The following BACH2 variants were observed in gnomAD, a reference collection of about 807,000 sequenced individuals.
BACH2 encodes the protein BACH transcriptional regulator 2.
BACH2 carries 5 observed loss-of-function variants against 61.8 expected under a neutral mutation model. That is an observed-to-expected ratio of 0.08 (90% confidence interval 0.04 to 0.17). The LOEUF is 0.17. BACH2 is among the 10% of genes least tolerant of loss of function. The pLI, the probability that BACH2 is intolerant of heterozygous loss-of-function variation, is 1.00. For synonymous variants in BACH2, 446 were observed against 440.1 expected, an observed-to-expected ratio of 1.01 and a Z score of -0.17; for missense variants, 824 against 1,091.1, an observed-to-expected ratio of 0.76 and a Z score of 3.45.
intron 2 of BACH2, among the ~76,000 whole-genome samples, chr6:90,264,833 G>A (rs551349424): frequency 2.6e-5 from 4 of 152,256 alleles, no homozygotes; most frequent in Admixed American, 2.6e-4. Flanking sequence ...GGGAAGTCTG[G>A]GAGACCCGTG....
chr6:90,133,822 G>A (rs923824297), intron 4 of BACH2, among the ~76,000 whole-genome samples: 12 of 152,138 alleles, frequency 7.9e-5, no homozygotes, highest in Non-Finnish European at 1.8e-4. Flanking sequence ...ATAGTTTGCT[G>A]AGAATGATGG....
intron 7 of BACH2, among the ~76,000 whole-genome samples, chr6:89,949,768 G>A (rs115995730): frequency 1.1e-3 from 164 of 152,272 alleles, no homozygotes; most frequent in African/African-American, 3.8e-3. Context: ...GACATGGGAT[G>A]GCCCTGGGGT....
chr6:90,031,449 A>AAAACCCC (rs1397715126), intron 5 of BACH2, among the ~76,000 whole-genome samples: 2 of 152,210 alleles, frequency 1.3e-5, no homozygotes, highest in Admixed American at 1.3e-4. Flanking sequence ...GTATATCTAG[A>AAAACCCC]AAACCCCATC....
At chr6:90,223,972 G>A (rs966356628) in intron 3 of BACH2, among the ~76,000 whole-genome samples, 4 of 152,146 alleles carry the variant, frequency 2.6e-5, no homozygotes, top group Non-Finnish European at 4.4e-5. Context: ...ACTGAGAAAC[G>A]AAGCTGACAT....
chr6:90,032,778 T>C (rs533670511), intron 5 of BACH2, among the ~76,000 whole-genome samples: 20 of 152,250 alleles, frequency 1.3e-4, no homozygotes, highest in African/African-American at 4.8e-4. Flanking sequence ...ACTAGTTCAA[T>C]CATTGTGGAA....
chr6:89,932,256 G>T lies in BACH2; in HGVS notation c.*152C>A. 9.9e-7 allele frequency: 1 copy of T among 1,008,058 alleles called. No individual in the cohort carries two copies. Among genetic ancestry groups the T allele is most frequent in the Non-Finnish European group, 1.5e-6 (1 of 684,906 alleles). The allele number at this position is 1,008,058 out of a possible 1,614,324, so 62.4% of individuals were successfully genotyped here. ...TCACTCCTGCTCGAGAAGAGGAGAG[G>T]ATACTTCGGAACAGTATTGCTGCTA... On this transcript the variant is annotated 3_prime_UTR_variant, in exon 9 of 9. Transcript: ENST00000257749.
intron 4 of BACH2, among the ~76,000 whole-genome samples, chr6:90,165,144 T>C (rs1323976170): frequency 1.3e-5 from 2 of 152,236 alleles, no homozygotes; most frequent in Non-Finnish European, 2.9e-5. Context: ...GCAGATGACA[T>C]GATTGTATAT....
chr6:90,023,638 G>A (rs1228645780), intron 5 of BACH2, among the ~76,000 whole-genome samples: 1 of 152,022 alleles, frequency 6.6e-6, no homozygotes, highest in Non-Finnish European at 1.5e-5. Context: ...AAATTCGTAT[G>A]TGGAAATCCT....
intron 6 of BACH2, among the ~76,000 whole-genome samples, chr6:90,005,601 T>C (rs1777364525): frequency 6.6e-6 from 1 of 152,106 alleles, no homozygotes; most frequent in Admixed American, 6.5e-5. Context: ...ACACAGCAAG[T>C]CAGGAAAACA....
chr6:90,140,654 T>C (rs73752886), intron 4 of BACH2, among the ~76,000 whole-genome samples: 1,870 of 152,278 alleles, frequency 0.012, 34 homozygotes, highest in African/African-American at 0.042. Flanking sequence ...ATCCTCTAAC[T>C]TGTATTTAAT....
At chr6:90,296,421 A>G (rs1393429211) in intron 1 of BACH2, 59 bp downstream of exon 1, 1 of 146,888 alleles carries the variant, frequency 6.8e-6, no homozygotes, top group Admixed American at 6.7e-5. Flanking sequence ...CTCCCCCCGC[A>G]AACTTGCCCC....
intron 3 of BACH2, among the ~76,000 whole-genome samples, chr6:90,249,172 T>C (rs925323519): frequency 3.5e-4 from 54 of 152,156 alleles, no homozygotes; most frequent in African/African-American, 1.3e-3. Flanking sequence ...ATACCACAAT[T>C]TGGAAGATGA....
intron 3 of BACH2, among the ~76,000 whole-genome samples, chr6:90,229,727 G>T (rs1188433960): frequency 6.6e-6 from 1 of 152,192 alleles, no homozygotes; most frequent in African/African-American, 2.4e-5. Flanking sequence ...TCTCATAATT[G>T]GTGTAGCATA....
chr6:90,141,488 CG>C (rs1562470348), intron 4 of BACH2, among the ~76,000 whole-genome samples: 6 of 145,884 alleles, frequency 4.1e-5, no homozygotes, highest in African/African-American at 1.6e-4. Flanking sequence ...GCCCCGATCC[CG>C]TTTTTTTTTT....
At chr6:90,270,562 T>G (rs1771485803) in intron 2 of BACH2, among the ~76,000 whole-genome samples, 1 of 152,184 alleles carries the variant, frequency 6.6e-6, no homozygotes, top group African/African-American at 2.4e-5. Context: ...AAAACACTGC[T>G]GAAAGAAATA....
chr6:90,057,156 A>G (rs910827365), intron 5 of BACH2, among the ~76,000 whole-genome samples: 1 of 152,156 alleles, frequency 6.6e-6, no homozygotes, highest in Middle Eastern at 3.2e-3. Context: ...GACACAAAAA[A>G]CCCTTCAAAA....
At chr6:90,186,615 C>A (rs1018507179) in intron 4 of BACH2, among the ~76,000 whole-genome samples, 8 of 152,112 alleles carry the variant, frequency 5.3e-5, no homozygotes, top group Non-Finnish European at 1.0e-4. Context: ...AATGTGAAAT[C>A]CCAAGTGCTT....
chr6:89,999,568 A>T (rs544979642), intron 6 of BACH2, among the ~76,000 whole-genome samples: 1 of 152,198 alleles, frequency 6.6e-6, no homozygotes, highest in South Asian at 2.1e-4. Context: ...TTAATTAAGT[A>T]CCTTGGTAAA....
intron 3 of BACH2, among the ~76,000 whole-genome samples, chr6:90,216,310 A>G (rs542768871): frequency 6.6e-6 from 1 of 152,322 alleles, no homozygotes; most frequent in Non-Finnish European, 1.5e-5. Context: ...TGGAATGGGG[A>G]GGAGGTCAGC....
Sources: gnomAD v4.1 joint callset for allele counts (sites outside exome capture counted in the v4.1 genomes callset) on GRCh38, gnomAD v4.1.1 for gene constraint, MANE v1.5 for transcripts, NCBI Gene and HGNC (gene_info 2026-07-23, HGNC 2026-07-21) for gene names.